The following ASTN2 variants were observed in gnomAD, a reference collection of about 807,000 sequenced individuals.
ASTN2 encodes the protein astrotactin-2.
Under a neutral mutation model 139.8 loss-of-function variants are expected in ASTN2, and 54 were observed. The observed-to-expected ratio is 0.39, with a 90% CI of 0.31 to 0.48. ASTN2 has a LOEUF of 0.48. Among genes scored for constraint, ASTN2 ranks in the 20% least tolerant of loss-of-function variants. The pLI, the probability that ASTN2 is intolerant of heterozygous loss-of-function variation, is 0.95. For synonymous variants in ASTN2, 756 were observed against 719.5 expected, an observed-to-expected ratio of 1.05 and a Z score of -0.81; for missense variants, 1,565 against 1,725.1, an observed-to-expected ratio of 0.91 and a Z score of 1.64.
At chr9:117,390,571 T>C (rs573565247) in intron 1 of ASTN2, among the ~76,000 whole-genome samples, 2 of 152,234 alleles carry the variant, frequency 1.3e-5, no homozygotes, top group African/African-American at 4.8e-5. Context: ...TTTTCCAGAA[T>C]GTCATATAGT....
rs560193977 is a variant in ASTN2 at position 116,423,136 on chromosome 9, A to T, written c.*2715T>A. On this transcript the variant is annotated 3_prime_UTR_variant, in exon 23 of 23. Coordinates refer to ENST00000313400, the MANE Select transcript of ASTN2 (RefSeq NM_001365068.1). ...CTGAAAATCATTAATTCTTTCTTTT[A>T]ATCAGAATTCTCTAGGTCTTTCCCA... is the stretch of plus-strand genomic sequence containing the variant. 6.6e-6 allele frequency among the ~76,000 whole-genome samples: 1 copy of T among 152,212 alleles called. No homozygotes were observed. The highest frequency in any genetic ancestry group is 2.1e-4 in the South Asian group (1 of 4,818).
chr9:116,687,538 G>A (rs1661170710), intron 16 of ASTN2, among the ~76,000 whole-genome samples: 1 of 144,926 alleles, frequency 6.9e-6, no homozygotes, highest in African/African-American at 2.6e-5. Context: ...CTAGGGTGGG[G>A]GTGGGGCTGC....
At chr9:117,228,218 AG>A (rs1832776233) in intron 2 of ASTN2, among the ~76,000 whole-genome samples, 2 of 122,642 alleles carry the variant, frequency 1.6e-5, no homozygotes, top group African/African-American at 5.3e-5. Flanking sequence ...CTTTGTATAT[AG>A]GTGTTTGTTA....
Position 117,272,425 on chromosome 9 carries a change from T to C in ASTN2, c.630+18901A>G, listed in dbSNP as rs111373284. Reference sequence around the variant, plus strand: ...GAAGGTCTCTGGCATGTCCTGGAGATGTTTTCCCCATGGTCTTGGGGATTA... The same window carrying C: ...GAAGGTCTCTGGCATGTCCTGGAGACGTTTTCCCCATGGTCTTGGGGATTA... On this transcript the variant is annotated intron_variant, in intron 2 of 22. Transcript: ENST00000313400. Among the ~76,000 whole-genome samples, 692 of 152,358 alleles carry C rather than the reference T, an allele frequency of 4.5e-3. 6 individuals are homozygous for C. The highest frequency in any genetic ancestry group is 0.016 in the African/African-American group (664 of 41,586).
At chr9:117,255,860 C>T (rs1833672678) in intron 2 of ASTN2, among the ~76,000 whole-genome samples, 1 of 152,110 alleles carries the variant, frequency 6.6e-6, no homozygotes, top group South Asian at 2.1e-4. Context: ...CAATGAAGGG[C>T]ATGTTGGACA....
At chr9:117,147,409 C>T (rs1418253751) in intron 3 of ASTN2, among the ~76,000 whole-genome samples, 1 of 149,688 alleles carries the variant, frequency 6.7e-6, no homozygotes, top group Admixed American at 6.7e-5. Flanking sequence ...GCACTCCAGT[C>T]TGGGTGAAAG....
intron 2 of ASTN2, among the ~76,000 whole-genome samples, chr9:117,267,757 CA>C (rs1833968376): frequency 6.6e-6 from 1 of 152,306 alleles, no homozygotes; most frequent in South Asian, 2.1e-4. Flanking sequence ...CTTTGCCTCT[CA>C]GGGCGCAGTT....
chr9:116,870,856 A>G (rs1338133464), intron 10 of ASTN2, among the ~76,000 whole-genome samples: 2 of 152,192 alleles, frequency 1.3e-5, no homozygotes, highest in East Asian at 3.8e-4. Context: ...CCAAGCCAAG[A>G]CAGTGACAAG....
At chr9:116,762,425 T>C (rs1267863654) in intron 13 of ASTN2, among the ~76,000 whole-genome samples, 3 of 152,198 alleles carry the variant, frequency 2.0e-5, no homozygotes, top group Non-Finnish European at 4.4e-5. Flanking sequence ...TTGAAAAACA[T>C]AAATGCTTAG....
chr9:116,525,241 A>G (rs1851040850), intron 19 of ASTN2, among the ~76,000 whole-genome samples: 1 of 152,214 alleles, frequency 6.6e-6, no homozygotes, highest in Non-Finnish European at 1.5e-5. Context: ...CTTTACATAA[A>G]TGATTTAGAG....
intron 19 of ASTN2, among the ~76,000 whole-genome samples, chr9:116,506,761 C>T (rs759535670): frequency 9.9e-5 from 15 of 152,176 alleles, no homozygotes; most frequent in South Asian, 2.1e-4. Context: ...CTTACTTCAC[C>T]GCCCAGAGGT....
chr9:116,493,718 G>A lies in ASTN2; in HGVS notation c.3356-6218C>T, dbSNP rs1206308852. Among the ~76,000 whole-genome samples the A allele has an allele frequency of 3.3e-5, 5 of 151,926 alleles. No homozygotes were observed. The East Asian group carries it at 7.7e-4, about 23-fold the overall frequency. Reference sequence around the variant, plus strand: ...ATGAGTTGAGGTCACCGTCAAAGCCGGCCACATGAGCAAATTGAAAACAGG... The same window carrying A: ...ATGAGTTGAGGTCACCGTCAAAGCCAGCCACATGAGCAAATTGAAAACAGG... On this transcript the variant is annotated intron_variant, in intron 19 of 22. Coordinates refer to ENST00000313400, the MANE Select transcript of ASTN2 (RefSeq NM_001365068.1).
rs121434447 is a variant in ASTN2, at chr9:116,698,923, G to A, written c.2806+26848C>T. The A allele has an allele frequency of 2.2e-5, 36 of 1,614,078 alleles. No homozygotes were observed. The highest frequency in any genetic ancestry group is 6.7e-5 in the Admixed American group (4 of 60,014). Reference sequence around the variant, plus strand: ...CTAGTCGCTGACCGTGGTAACTATCGTATACAAGTCTTTACCCGCAAAGGC... The same window carrying A: ...CTAGTCGCTGACCGTGGTAACTATCATATACAAGTCTTTACCCGCAAAGGC... On this transcript the variant is annotated intron_variant, in intron 16 of 22. Transcript: ENST00000313400. The surrounding 1 kb of genome is among the most constrained non-coding windows in gnomAD (Gnocchi z 4.4).
At chr9:117,371,224 C>G (rs184324481) in intron 1 of ASTN2, among the ~76,000 whole-genome samples, 11 of 152,252 alleles carry the variant, frequency 7.2e-5, no homozygotes, top group African/African-American at 2.6e-4. Flanking sequence ...ATCAAATACC[C>G]ATAACAATCC....
chr9:116,826,156 T>C (rs180866504), intron 11 of ASTN2, among the ~76,000 whole-genome samples: 99 of 152,254 alleles, frequency 6.5e-4, no homozygotes, highest in Admixed American at 1.0e-3. Context: ...TGAGTTTGGG[T>C]TGATGTGGCT....
intron 1 of ASTN2, among the ~76,000 whole-genome samples, chr9:117,406,454 T>C (rs1830990847): frequency 1.3e-5 from 2 of 152,130 alleles, no homozygotes; most frequent in Admixed American, 6.5e-5. Flanking sequence ...ATGACTGTTC[T>C]TTTCTTCTCT....
intron 10 of ASTN2, among the ~76,000 whole-genome samples, chr9:116,899,763 G>T (rs1177205635): frequency 6.6e-6 from 1 of 152,144 alleles, no homozygotes; most frequent in Non-Finnish European, 1.5e-5. Context: ...AAAAGTTATG[G>T]CTCAGGAGTC....
chr9:117,045,813 C>T (rs1838718299), intron 5 of ASTN2, among the ~76,000 whole-genome samples: 1 of 152,020 alleles, frequency 6.6e-6, no homozygotes, highest in Admixed American at 6.6e-5. Context: ...GAGACCAGGT[C>T]CTAGGCTGAG....
chr9:116,847,021 AAAAAAC>A (rs201728787), intron 11 of ASTN2, among the ~76,000 whole-genome samples: 12,605 of 112,972 alleles, frequency 0.11, 691 homozygotes, highest in East Asian at 0.24. Flanking sequence ...AAAAAAAAAA[AAAAAAC>A]AAAAAACAAA....
Sources: gnomAD v4.1 joint callset for allele counts (sites outside exome capture counted in the v4.1 genomes callset) on GRCh38, gnomAD v4.1.1 for gene constraint, Gnocchi (gnomAD v3.1) non-coding constraint, MANE v1.5 for transcripts, NCBI Gene and HGNC (gene_info 2026-07-23, HGNC 2026-07-21) for gene names.